COLQ: variants seen among roughly 807,000 people sequenced by gnomAD.
COLQ encodes collagen like tail subunit of asymmetric acetylcholinesterase.
COLQ carries 48 observed loss-of-function variants against 69.0 expected under a neutral mutation model. The ratio of observed to expected loss-of-function variants is 0.70; its 90% CI spans 0.55 to 0.88. The LOEUF (loss-of-function observed/expected upper bound fraction) is 0.88, where lower values mean the gene tolerates loss of function less well. Ranked by LOEUF, COLQ falls within the 40% of genes least tolerant of loss-of-function variation. COLQ has a pLI of 0.00. For missense variants in COLQ, 618 were observed against 594.6 expected, an observed-to-expected ratio of 1.04 and a Z score of -0.41; for synonymous variants, 217 against 211.2, an observed-to-expected ratio of 1.03 and a Z score of -0.24.
At chr3:15,472,336 C>T (rs890380596) in intron 10 of COLQ, among the ~76,000 whole-genome samples, 5 of 152,168 alleles carry the variant, frequency 3.3e-5, no homozygotes, top group Non-Finnish European at 7.3e-5. Flanking sequence ...ACCCAACACC[C>T]TACCTAGGGT....
chr3:15,490,292 GT>G (rs1251787816), intron 1 of COLQ, among the ~76,000 whole-genome samples: 1 of 152,222 alleles, frequency 6.6e-6, no homozygotes, highest in Non-Finnish European at 1.5e-5. Context: ...AATGTTCAAT[GT>G]TGAAGTATGC....
At position 15,475,498 on chromosome 3, in the gene COLQ, TAGA is replaced by T. The variant is rs1368152894; in HGVS notation, c.466-14_466-12del. The T allele has an allele frequency of 1.9e-6, 3 of 1,587,300 alleles. No individual in the cohort carries two copies. The highest frequency in any genetic ancestry group is 2.6e-6 in the Non-Finnish European group (3 of 1,164,822). On this transcript the variant is annotated splice_polypyrimidine_tract_variant and intron_variant, in intron 6 of 16. Coordinates refer to ENST00000383788, the MANE Select transcript of COLQ (RefSeq NM_005677.4). Reference sequence around the variant, plus strand: ...GTCACCTTTTTCACCCTGTGGGAATTAGAAGAAGAAAAGACCCACGGTGATATT... The same window carrying T: ...GTCACCTTTTTCACCCTGTGGGAATTAGAAGAAAAGACCCACGGTGATATT...
At chr3:15,482,987 T>C (rs2062514990) in intron 3 of COLQ, among the ~76,000 whole-genome samples, 1 of 152,206 alleles carries the variant, frequency 6.6e-6, no homozygotes, top group South Asian at 2.1e-4. Context: ...GATTTTCTAG[T>C]TTATTTGTGT....
At chr3:15,469,247 G>C (rs2062245678) in intron 11 of COLQ, among the ~76,000 whole-genome samples, 1 of 152,114 alleles carries the variant, frequency 6.6e-6, no homozygotes, top group South Asian at 2.1e-4. Flanking sequence ...TCAAGAAATG[G>C]CCTTCCTGGC....
intron 3 of COLQ, among the ~76,000 whole-genome samples, chr3:15,487,953 C>A (rs778230830): frequency 2.6e-5 from 4 of 152,160 alleles, no homozygotes; most frequent in African/African-American, 4.8e-5. Context: ...TCATTTGATT[C>A]CCCCAAAATT....
intron 1 of COLQ, chr3:15,506,582 T>C (rs1338472441): frequency 1.3e-5 from 2 of 152,356 alleles, no homozygotes; most frequent in Admixed American, 6.5e-5. Flanking sequence ...CTATTATACA[T>C]ATGATACTCC....
At chr3:15,466,280 C>T (rs919525059) in intron 12 of COLQ, 61 bp downstream of exon 12, 12 of 1,204,896 alleles carry the variant, frequency 1.0e-5, no homozygotes, top group African/African-American at 3.0e-5. Flanking sequence ...CTCCTTGTGC[C>T]CTCTCTGGGA....
chr3:15,491,212 G>T (rs1308777195), intron 1 of COLQ, among the ~76,000 whole-genome samples: 1 of 152,144 alleles, frequency 6.6e-6, no homozygotes, highest in East Asian at 1.9e-4. Flanking sequence ...AGAAAAGTGG[G>T]TGTGTTTTCA....
At chr3:15,502,361 C>A (rs540696751) in intron 1 of COLQ, among the ~76,000 whole-genome samples, 8 of 152,062 alleles carry the variant, frequency 5.3e-5, no homozygotes, top group Non-Finnish European at 1.2e-4. Context: ...AGGTGATCCA[C>A]CCGCCTCAGC....
At chr3:15,507,251 A>G (rs547782405) in intron 1 of COLQ, among the ~76,000 whole-genome samples, 163 of 152,362 alleles carry the variant, frequency 1.1e-3, no homozygotes, top group African/African-American at 3.8e-3. Flanking sequence ...ATCTCTGTGT[A>G]TGTTGGTAAG....
At chr3:15,453,490 A>G (rs572558194) in intron 16 of COLQ, among the ~76,000 whole-genome samples, 1 of 152,340 alleles carries the variant, frequency 6.6e-6, no homozygotes, top group South Asian at 2.1e-4. Context: ...ACCTAGGCCC[A>G]CAGCCCAGGA....
At position 15,478,634 on chromosome 3, in the gene COLQ, T is replaced by C. The variant is rs914649204; in HGVS notation, c.393+343A>G. ...TTAATCAAACAGAGAGTGACAGTCA[T>C]TCAATGTCACTGGTTGGAGCTATGA... On this transcript the variant is annotated intron_variant, in intron 5 of 16. Transcript: ENST00000383788. The C allele has an allele frequency of 2.4e-5, 10 of 423,564 alleles. No individual in the cohort carries two copies. In the Admixed American group the frequency reaches 3.3e-4, roughly 14 times the overall value. The allele number at this position is 423,564 out of a possible 1,614,324, so 26.2% of individuals were successfully genotyped here. A position where few individuals can be genotyped will look rare whatever the true frequency, so the allele number is the denominator to read the frequency against.
chr3:15,475,765 G>C (rs2062369805), intron 6 of COLQ, among the ~76,000 whole-genome samples: 1 of 152,178 alleles, frequency 6.6e-6, no homozygotes, highest in South Asian at 2.1e-4. Flanking sequence ...GTAATACTTG[G>C]TATTTTCCTA....
chr3:15,517,109 C>T (rs2063073240), intron 1 of COLQ, among the ~76,000 whole-genome samples: 3 of 152,188 alleles, frequency 2.0e-5, no homozygotes, highest in Non-Finnish European at 4.4e-5. Context: ...CACCACTGCA[C>T]TCCAGCCTGG....
In COLQ at chr3:15,453,864, G is replaced by A. The variant is rs1485021865; in HGVS notation, c.1263C>T (p.Asp421=). The change falls in exon 16 of 17, where the codon GAC becomes GAT. Residue 421 remains aspartate, a synonymous_variant. Transcript: ENST00000383788. ...HEGVEDCDGS[D]FGYLTCETYL... is the part of the protein sequence containing the mutation. ...AGGTCTCGCATGTCAGGTAGCCAAAGTCAGAGCCGTCACAGTCCTCCACAC... is the reference window on the plus strand; with the variant it reads ...AGGTCTCGCATGTCAGGTAGCCAAAATCAGAGCCGTCACAGTCCTCCACAC... 1.2e-6 allele frequency: 2 copies of A among 1,612,232 alleles called. No individual in the cohort carries two copies. The highest frequency in any genetic ancestry group is 8.5e-7 in the Non-Finnish European group (1 of 1,179,136).
intron 1 of COLQ, among the ~76,000 whole-genome samples, chr3:15,499,562 T>C (rs996559230): frequency 2.0e-5 from 3 of 152,222 alleles, no homozygotes; most frequent in Non-Finnish European, 4.4e-5. Context: ...TACACAAATA[T>C]AGGAGGCAGG....
chr3:15,507,417 C>T (rs2062926366), intron 1 of COLQ, among the ~76,000 whole-genome samples: 1 of 152,216 alleles, frequency 6.6e-6, no homozygotes, highest in South Asian at 2.1e-4. Flanking sequence ...TGTTTCCATA[C>T]ACCTTCGCCA....
Position 15,479,371 on chromosome 3 carries a change from C to G in COLQ, c.333G>C (p.Gly111=). 2.5e-6 allele frequency: 4 copies of G among 1,614,076 alleles called. No homozygotes were observed. The highest frequency in any genetic ancestry group is 2.5e-6 in the Non-Finnish European group (3 of 1,179,928). Residue 111 remains glycine, a synonymous_variant, in exon 4 of 17, where the codon GGG becomes GGC. Transcript: ENST00000383788. The part of the protein sequence containing the change: ...PGPPGPQGPP[G]LPGKTGPKGE... ...CCTTTGGTCCTGTCTTGCCAGGAAG[C>G]CCCGGTGGACCCTAATCAATCAAGA...
intron 1 of COLQ, among the ~76,000 whole-genome samples, chr3:15,497,535 CAAAGG>C (rs904678431): frequency 1.3e-5 from 2 of 152,170 alleles, no homozygotes; most frequent in African/African-American, 2.4e-5. Context: ...TAGAAACTGT[CAAAGG>C]AAAGAAGTGA....
Sources: allele counts gnomAD v4.1 joint callset (sites outside exome capture counted in the v4.1 genomes callset), GRCh38; gene constraint gnomAD v4.1.1; transcripts MANE v1.5; gene names NCBI Gene and HGNC (gene_info 2026-07-23, HGNC 2026-07-21).